The following PTPRT variants were observed in gnomAD, a reference collection of about 807,000 sequenced individuals.
PTPRT encodes protein tyrosine phosphatase receptor type T.
In PTPRT, 56 loss-of-function variants were observed where a neutral mutation model predicts 176.8. The ratio of observed to expected loss-of-function variants is 0.32; its 90% CI spans 0.26 to 0.40. The LOEUF (loss-of-function observed/expected upper bound fraction) is 0.40, where lower values mean the gene tolerates loss of function less well. PTPRT is among the 10% of genes least tolerant of loss of function. The pLI, the probability that PTPRT is intolerant of heterozygous loss-of-function variation, is 1.00. For missense variants in PTPRT, 1,540 were observed against 1,908.2 expected (o/e 0.81, Z 3.60); for synonymous variants, 783 against 739.0 (o/e 1.06, Z -0.96).
chr20:42,545,175 T>G (rs773373287), intron 7 of PTPRT, among the ~76,000 whole-genome samples: 9 of 152,232 alleles, frequency 5.9e-5, no homozygotes, highest in South Asian at 2.1e-4. Flanking sequence ...TACCCTTATC[T>G]ATCCACCTGT....
intron 7 of PTPRT, among the ~76,000 whole-genome samples, chr20:42,617,944 TTC>T (rs2074113922): frequency 7.2e-6 from 1 of 138,114 alleles, no homozygotes; most frequent in Non-Finnish European, 1.5e-5. Context: ...TTTCCTTCAG[TTC>T]TGCTCTGATT....
chr20:43,144,298 C>T (rs955775942), intron 1 of PTPRT, among the ~76,000 whole-genome samples: 1 of 152,204 alleles, frequency 6.6e-6, no homozygotes. Flanking sequence ...TATACCCAAA[C>T]ACTGCATTGG....
the PTPRT span, among the ~76,000 whole-genome samples, chr20:42,060,353 C>T: frequency 0.36 from 54,456 of 151,914 alleles, 11,037 homozygotes; most frequent in African/African-American, 0.56. Flanking sequence ...GGATTAGTGG[C>T]TTTGTCCTAC....
intron 9 of PTPRT, among the ~76,000 whole-genome samples, chr20:42,358,509 T>C (rs1267532558): frequency 1.3e-5 from 2 of 152,168 alleles, no homozygotes; most frequent in African/African-American, 4.8e-5. Flanking sequence ...TATGAGCATG[T>C]AACAGAGAAA....
intron 1 of PTPRT, among the ~76,000 whole-genome samples, chr20:43,180,374 C>T (rs1400699611): frequency 3.9e-5 from 1 of 25,668 alleles, no homozygotes; most frequent in Non-Finnish European, 1.0e-4. Flanking sequence ...TCTCTCTCTG[C>T]CCCCACCTCC....
intron 18 of PTPRT, among the ~76,000 whole-genome samples, chr20:42,139,706 C>A (rs958435231): frequency 1.3e-5 from 2 of 152,198 alleles, no homozygotes; most frequent in African/African-American, 4.8e-5. Context: ...GTGAAGCAAG[C>A]TCAGAGTCTC....
At chr20:42,699,748 A>G (rs1469118126) in intron 6 of PTPRT, among the ~76,000 whole-genome samples, 1 of 152,106 alleles carries the variant, frequency 6.6e-6, no homozygotes, top group Admixed American at 6.5e-5. Context: ...GGCAGGGATT[A>G]TGGCCAATCA....
intron 27 of PTPRT, among the ~76,000 whole-genome samples, chr20:42,088,834 A>G (rs1354124114): frequency 6.6e-6 from 1 of 152,246 alleles, no homozygotes; most frequent in Non-Finnish European, 1.5e-5. Context: ...GATAAAGGAC[A>G]TAATTCATGT....
In PTPRT at chr20:42,123,597, A is replaced by G. The variant is rs539162399; in HGVS notation, c.2848-3626T>C. Among the ~76,000 whole-genome samples the G allele has an allele frequency of 2.0e-5, 3 of 152,226 alleles. No individual in the cohort carries two copies. The East Asian group carries it at 5.8e-4, about 29-fold the overall frequency. On this transcript the variant is annotated intron_variant, in intron 19 of 30. Coordinates refer to ENST00000373187, the MANE Select transcript of PTPRT (RefSeq NM_007050.6). ...TGACACCTCTTGTCATTTCTATTTC[A>G]TCCTTTCAGTGATGTTCCCAGTTTC...
intron 18 of PTPRT, among the ~76,000 whole-genome samples, chr20:42,134,519 G>A (rs1988280808): frequency 6.6e-6 from 1 of 152,136 alleles, no homozygotes; most frequent in Non-Finnish European, 1.5e-5. Context: ...ATGGTACCAA[G>A]ACACATAAAT....
chr20:42,879,570 T>G (rs2078983194), intron 2 of PTPRT, among the ~76,000 whole-genome samples: 1 of 152,194 alleles, frequency 6.6e-6, no homozygotes, highest in African/African-American at 2.4e-5. Flanking sequence ...ACTTATCTTT[T>G]TAGGAGACAC....
In PTPRT at chr20:42,352,032, G is replaced by C. The variant is rs1165693664; in HGVS notation, c.1762+52C>G. 5.8e-6 allele frequency: 9 copies of C among 1,557,266 alleles called. No homozygotes were observed. The East Asian group carries it at 2.0e-4, about 35-fold the overall frequency. The stretch of plus-strand genomic sequence containing the variant: ...AAAATTTCCACTTCAAGGAAAATCA[G>C]GAAGTGGGGGTGAAACAACCTTTTT... On this transcript the variant is annotated intron_variant, in intron 10 of 30. Coordinates refer to ENST00000373187, the MANE Select transcript of PTPRT (RefSeq NM_007050.6).
chr20:42,491,773 A>G (rs557703150), intron 7 of PTPRT, among the ~76,000 whole-genome samples: 2 of 152,232 alleles, frequency 1.3e-5, no homozygotes, highest in South Asian at 2.1e-4. Flanking sequence ...ATTCTAACAT[A>G]TTGTGTTATA....
intron 9 of PTPRT, among the ~76,000 whole-genome samples, chr20:42,358,022 C>A (rs369575592): frequency 6.6e-6 from 1 of 150,750 alleles, no homozygotes; most frequent in African/African-American, 2.4e-5. Context: ...GACATGACAA[C>A]GAAATGCTAT....
At chr20:42,918,410 C>A (rs1247972995) in intron 1 of PTPRT, among the ~76,000 whole-genome samples, 5 of 152,162 alleles carry the variant, frequency 3.3e-5, no homozygotes, top group Non-Finnish European at 7.4e-5. Context: ...TTCTTTGTCT[C>A]AGAAATGATT....
At chr20:43,015,936 G>A (rs1985345658) in intron 1 of PTPRT, among the ~76,000 whole-genome samples, 1 of 142,916 alleles carries the variant, frequency 7.0e-6, no homozygotes, top group African/African-American at 2.7e-5. Flanking sequence ...AACACACTAA[G>A]TATTTCAAAA....
At chr20:43,085,653 T>C (rs796847692) in intron 1 of PTPRT, among the ~76,000 whole-genome samples, 45 of 152,230 alleles carry the variant, frequency 3.0e-4, no homozygotes, top group African/African-American at 1.0e-3. Context: ...GAACTCCCCT[T>C]TTATAAAACC....
At chr20:42,800,547 ACTAAAATAT>A (rs2077515902) in intron 2 of PTPRT, among the ~76,000 whole-genome samples, 1 of 152,176 alleles carries the variant, frequency 6.6e-6, no homozygotes, top group Admixed American at 6.5e-5. Flanking sequence ...ATGACATGGA[ACTAAAATAT>A]ATATATTTTT....
intron 9 of PTPRT, among the ~76,000 whole-genome samples, chr20:42,378,215 T>G (rs935738980): frequency 6.6e-5 from 10 of 152,228 alleles, no homozygotes; most frequent in African/African-American, 2.4e-4. Context: ...CAGCATTGCA[T>G]TCCTGGTGCC....
Sources: gnomAD v4.1 joint callset for allele counts (sites outside exome capture counted in the v4.1 genomes callset) on GRCh38, gnomAD v4.1.1 for gene constraint, MANE v1.5 for transcripts, NCBI Gene and HGNC (gene_info 2026-07-23, HGNC 2026-07-21) for gene names.